The following GABRB3 variants were observed in gnomAD, a reference collection of about 807,000 sequenced individuals.
GABRB3 encodes gamma-aminobutyric acid type A receptor subunit beta3, also known as gamma-aminobutyric acid receptor subunit beta-3.
Under a neutral mutation model 52.1 loss-of-function variants are expected in GABRB3, and 14 were observed. The ratio of observed to expected loss-of-function variants is 0.27; its 90% confidence interval spans 0.18 to 0.42. The LOEUF (loss-of-function observed/expected upper bound fraction) is 0.42, where lower values mean the gene tolerates loss of function less well. GABRB3 is among the 10% of genes least tolerant of loss of function. The pLI, the probability that GABRB3 is intolerant of heterozygous loss-of-function variation, is 1.00. For missense variants in GABRB3, 307 were observed against 609.1 expected, an observed-to-expected ratio of 0.50 and a Z score of 5.22; for synonymous variants, 260 against 232.3, an observed-to-expected ratio of 1.12 and a Z score of -1.08.
At chr15:26,654,886 ACAACAGCAC>A (rs1336919462) in intron 3 of GABRB3, among the ~76,000 whole-genome samples, 1 of 152,068 alleles carries the variant, frequency 6.6e-6, no homozygotes, top group Non-Finnish European at 1.5e-5. Flanking sequence ...ATGCTGGAGT[ACAACAGCAC>A]GATCACGGCT....
intron 3 of GABRB3, among the ~76,000 whole-genome samples, chr15:26,764,144 G>A (rs1196256442): frequency 4.5e-5 from 4 of 88,956 alleles, no homozygotes; most frequent in Admixed American, 1.6e-4. Context: ...TGAGAGACTC[G>A]GTCTCAAAAA....
At chr15:26,624,935 A>G in intron 3 of GABRB3, 1 of 985,556 alleles carries the variant, frequency 1.0e-6, no homozygotes, top group Non-Finnish European at 1.2e-6. Context: ...CGCTTGTGTG[A>G]GTGATCCTTC....
rs1392639291 is a variant in GABRB3 at position 26,609,101 on chromosome 15, CAT to C, written c.461+12211_461+12212del. ...TTAATGATACACACACACACACACA[CAT>C]ACACACACACACACACACACACACA... On this transcript the variant is annotated intron_variant, in intron 4 of 8. Coordinates refer to ENST00000311550, the MANE Select transcript of GABRB3 (RefSeq NM_000814.6). Among the ~76,000 whole-genome samples the C allele has an allele frequency of 7.3e-3, 353 of 48,442 alleles. 1 individual carries two copies. Among genetic ancestry groups the C allele is most frequent in the East Asian group, 0.059 (62 of 1,052 alleles). The allele number at this position is 48,442 out of a possible 152,430, so 31.8% of individuals were successfully genotyped here.
intron 6 of GABRB3, among the ~76,000 whole-genome samples, chr15:26,573,251 TTATC>T (rs1890473370): frequency 6.6e-6 from 1 of 152,222 alleles, no homozygotes; most frequent in African/African-American, 2.4e-5. Flanking sequence ...GATTCATTTA[TTATC>T]TATCTTTTAC....
In GABRB3 at chr15:26,769,968, G is replaced by A. The variant is rs1478487380; in HGVS notation, c.240+2434C>T. 4.9e-5 allele frequency among the ~76,000 whole-genome samples: 3 copies of A among 61,688 alleles called. No homozygotes were observed. In the East Asian group the frequency reaches 2.1e-3, roughly 43 times the overall value. 40.5% of individuals were successfully genotyped at this position (61,688 alleles called of 152,430 possible). Reference sequence around the variant, plus strand: ...AGGTGATTAATAAAGCTCATGAATAGATTTTACTGTTCTCAAACATTGACT... The same window carrying A: ...AGGTGATTAATAAAGCTCATGAATAAATTTTACTGTTCTCAAACATTGACT... On this transcript the variant is annotated intron_variant, in intron 3 of 8. Coordinates refer to ENST00000311550, the MANE Select transcript of GABRB3 (RefSeq NM_000814.6).
At chr15:26,579,310 C>T (rs896810972) in intron 6 of GABRB3, among the ~76,000 whole-genome samples, 1 of 152,126 alleles carries the variant, frequency 6.6e-6, no homozygotes, top group East Asian at 1.9e-4. Context: ...TCAGTACTGC[C>T]CTGTGGAGAT....
At chr15:26,715,805 A>T (rs1036849716) in intron 3 of GABRB3, among the ~76,000 whole-genome samples, 1 of 152,180 alleles carries the variant, frequency 6.6e-6, no homozygotes, top group Non-Finnish European at 1.5e-5. Context: ...TTTTATTAGT[A>T]AACTATTAAA....
At chr15:26,762,029 T>A (rs1890837108) in intron 3 of GABRB3, among the ~76,000 whole-genome samples, 1 of 152,104 alleles carries the variant, frequency 6.6e-6, no homozygotes, top group Non-Finnish European at 1.5e-5. Context: ...AATGGGGTTT[T>A]GCCATGTTGG....
intron 3 of GABRB3, chr15:26,657,448 C>T (rs549839565): frequency 1.3e-5 from 2 of 152,168 alleles, no homozygotes; most frequent in Non-Finnish European, 2.9e-5. Context: ...GAGACCTGTA[C>T]GGTCTAAATC....
At chr15:26,751,042 T>C (rs1054416969) in intron 3 of GABRB3, among the ~76,000 whole-genome samples, 7 of 152,180 alleles carry the variant, frequency 4.6e-5, no homozygotes, top group Admixed American at 1.3e-4. Flanking sequence ...CACTTAAGAA[T>C]AGTGAAATCT....
intron 3 of GABRB3, among the ~76,000 whole-genome samples, chr15:26,675,101 T>TAATGA (rs1393526530): frequency 6.6e-6 from 1 of 152,232 alleles, no homozygotes; most frequent in Non-Finnish European, 1.5e-5. Flanking sequence ...CTGGGTCTCT[T>TAATGA]AATGAGGAAC....
intron 4 of GABRB3, among the ~76,000 whole-genome samples, chr15:26,599,752 A>C (rs375428302): frequency 2.0e-5 from 3 of 152,174 alleles, no homozygotes; most frequent in Admixed American, 6.5e-5. Flanking sequence ...ACAACAACAA[A>C]AACAAAAACA....
intron 6 of GABRB3, among the ~76,000 whole-genome samples, chr15:26,571,585 T>C (rs971019986): frequency 6.6e-6 from 1 of 152,178 alleles, no homozygotes; most frequent in Admixed American, 6.5e-5. Context: ...CTGTGGGCAG[T>C]AGAAACCACT....
intron 3 of GABRB3, among the ~76,000 whole-genome samples, chr15:26,744,671 C>T (rs1162562240): frequency 6.6e-6 from 1 of 152,112 alleles, no homozygotes; most frequent in African/African-American, 2.4e-5. Context: ...GGTGATCTGC[C>T]CACCTCGGCC....
intron 3 of GABRB3, among the ~76,000 whole-genome samples, chr15:26,712,140 A>G (rs1246128032): frequency 6.6e-6 from 1 of 150,622 alleles, no homozygotes; most frequent in Non-Finnish European, 1.5e-5. Flanking sequence ...GAGGATGTGA[A>G]GGAGAAGGAG....
intron 3 of GABRB3, among the ~76,000 whole-genome samples, chr15:26,665,561 T>C (rs1887684123): frequency 6.6e-6 from 1 of 152,204 alleles, no homozygotes; most frequent in Admixed American, 6.5e-5. Flanking sequence ...TGACATTCCA[T>C]TTCCCATGCA....
intron 8 of GABRB3, chr15:26,557,610 C>G (rs1412839733): frequency 1.3e-5 from 2 of 152,114 alleles, no homozygotes; most frequent in African/African-American, 4.8e-5. Flanking sequence ...TACTCAGGAA[C>G]AATTTTTAAT....
At chr15:26,562,515 C>G (rs1313386191) in intron 7 of GABRB3, among the ~76,000 whole-genome samples, 1 of 152,234 alleles carries the variant, frequency 6.6e-6, no homozygotes, top group African/African-American at 2.4e-5. Context: ...GCCAGCCCTA[C>G]ATTTCAGCAC....
intron 4 of GABRB3, among the ~76,000 whole-genome samples, chr15:26,584,709 T>C (rs1343531510): frequency 6.6e-6 from 1 of 152,218 alleles, no homozygotes; most frequent in Non-Finnish European, 1.5e-5. Context: ...GCCTGCAGCC[T>C]TCTCTTAGGG....
Sources: allele counts gnomAD v4.1 joint callset (sites outside exome capture counted in the v4.1 genomes callset), GRCh38; gene constraint gnomAD v4.1.1; transcripts MANE v1.5; gene names NCBI Gene and HGNC (gene_info 2026-07-23, HGNC 2026-07-21).